The following ALDH2 variants were observed in gnomAD, a reference collection of about 807,000 sequenced individuals.
ALDH2 encodes the protein aldehyde dehydrogenase, mitochondrial.
ALDH2 carries 44 observed loss-of-function variants against 59.6 expected under a neutral mutation model. That is an observed-to-expected ratio of 0.74 (90% confidence interval 0.58 to 0.95). ALDH2 has a LOEUF of 0.95. Among genes scored for constraint, ALDH2 ranks in the 40% least tolerant of loss-of-function variants. ALDH2 has a pLI of 0.00. For missense variants in ALDH2, 570 were observed against 696.3 expected (o/e 0.82, Z 2.04); for synonymous variants, 291 against 284.0 (o/e 1.02, Z -0.25).
At chr12:111,781,030 G>A (rs2068267791) in intron 1 of ALDH2, among the ~76,000 whole-genome samples, 1 of 152,064 alleles carries the variant, frequency 6.6e-6, no homozygotes, top group Non-Finnish European at 1.5e-5. Context: ...GATCACTTGA[G>A]CTTAAGAGGA....
intron 12 of ALDH2, among the ~76,000 whole-genome samples, chr12:111,805,070 G>T (rs1292647216): frequency 1.3e-5 from 2 of 152,092 alleles, no homozygotes; most frequent in Non-Finnish European, 2.9e-5. Context: ...ACAGGTATCT[G>T]TTACAAATGT....
intron 1 of ALDH2, among the ~76,000 whole-genome samples, chr12:111,777,030 C>T (rs2068239226): frequency 6.6e-6 from 1 of 152,148 alleles, no homozygotes; most frequent in African/African-American, 2.4e-5. Flanking sequence ...AGTAAGTAAA[C>T]CATAAAGATG....
intron 11 of ALDH2, among the ~76,000 whole-genome samples, chr12:111,803,241 AT>A (rs2068468274): frequency 6.6e-6 from 1 of 150,846 alleles, no homozygotes; most frequent in Non-Finnish European, 1.5e-5. Flanking sequence ...TAAATGGTAA[AT>A]TTCAAATTCA....
chr12:111,791,323 T>C lies in ALDH2; in HGVS notation c.699T>C (p.Gly233=), dbSNP rs781479853. 1 of 1,613,984 alleles carries C rather than the reference T, an allele frequency of 6.2e-7. No homozygotes were observed. Among genetic ancestry groups the C allele is most frequent in the Non-Finnish European group, 8.5e-7 (1 of 1,179,944 alleles). ...NLIKEAGFPP[G]VVNIVPGFGP... is the part of the protein sequence containing the mutation. Reference sequence around the variant, plus strand: ...GCTCACAGGCTGGCTTTCCCCCTGGTGTGGTCAACATTGTGCCTGGATTTG... The same window carrying C: ...GCTCACAGGCTGGCTTTCCCCCTGGCGTGGTCAACATTGTGCCTGGATTTG... Residue 233 remains glycine (G), a synonymous_variant, in exon 7 of 13, where the codon GGT becomes GGC. Transcript: ENST00000261733.
intron 10 of ALDH2, among the ~76,000 whole-genome samples, chr12:111,799,311 G>A (rs989794276): frequency 1.3e-5 from 2 of 150,300 alleles, no homozygotes; most frequent in African/African-American, 4.9e-5. Context: ...GATTACAGGC[G>A]CACACCACCA....
At chr12:111,799,744 C>T (rs1347060090) in intron 10 of ALDH2, 162 bp from the exon 11 acceptor site, 25 of 824,194 alleles carry the variant, frequency 3.0e-5, no homozygotes, top group Non-Finnish European at 4.5e-5. Flanking sequence ...TCCATTCCCT[C>T]TGTGTTCTGC....
rs772515139 is a variant in ALDH2 at position 111,798,093 on chromosome 12, T to C, written c.1099T>C (p.Phe367Leu). 2 of 1,614,070 alleles carry C rather than the reference T, an allele frequency of 1.2e-6. No homozygotes were observed. The highest frequency in any genetic ancestry group is 3.3e-5 in the Admixed American group (2 of 59,988). Residue 367 changes from phenylalanine to leucine, a missense_variant, in exon 10 of 13, where the codon TTT becomes CTT. By Grantham distance (22) the Phe-to-Leu change is conservative. Transcript: ENST00000261733. ...TCTCCCACAGGTGGATGAAACTCAG[T>C]TTAAGAAGATCCTCGGCTACATCAA... ...EQGPQVDETQFKKILGYINTG... is the reference protein window; with the variant it reads ...EQGPQVDETQLKKILGYINTG...
In ALDH2 at chr12:111,778,697, G is replaced by C. The variant is rs561285636; in HGVS notation, c.115-3221G>C. ...AAACACAGAAAAATTAGCCGGGCAT[G>C]GTGGCAGGCGCCTATAGTCCCAGCT... is the stretch of plus-strand genomic sequence containing the variant. On this transcript the variant is annotated intron_variant, in intron 1 of 12. Coordinates refer to ENST00000261733, the MANE Select transcript of ALDH2 (RefSeq NM_000690.4). Among the ~76,000 whole-genome samples the C allele has an allele frequency of 6.6e-5, 10 of 152,080 alleles. No homozygotes were observed. In the East Asian group the frequency reaches 2.0e-3, roughly 30 times the overall value.
intron 4 of ALDH2, among the ~76,000 whole-genome samples, chr12:111,787,611 T>C (rs1361620259): frequency 2.0e-5 from 3 of 152,014 alleles, no homozygotes; most frequent in Non-Finnish European, 4.4e-5. Context: ...AAGAAAACAG[T>C]TGGGCCGGGC....
intron 12 of ALDH2, among the ~76,000 whole-genome samples, chr12:111,804,715 C>T (rs2068480517): frequency 6.7e-6 from 1 of 150,040 alleles, no homozygotes; most frequent in African/African-American, 2.5e-5. Flanking sequence ...CCATTGCACT[C>T]CAGCCTGGGC....
At position 111,774,018 on chromosome 12, in the gene ALDH2, G is replaced by C. The variant is rs564538700; in HGVS notation, c.114+6922G>C. On this transcript the variant is annotated intron_variant, in intron 1 of 12. Coordinates refer to ENST00000261733, the MANE Select transcript of ALDH2 (RefSeq NM_000690.4). ...GGAACATGGGGACGCATAGGGAGTGGTGAAACTGGCTCAGGGAAAGTCCAT... is the reference window on the plus strand; with the variant it reads ...GGAACATGGGGACGCATAGGGAGTGCTGAAACTGGCTCAGGGAAAGTCCAT... Among the ~76,000 whole-genome samples, 3 of 152,344 alleles carry C rather than the reference G, an allele frequency of 2.0e-5. No homozygotes were observed. The East Asian group carries it at 5.8e-4, about 29-fold the overall frequency.
chr12:111,772,826 A>G (rs1345662276), intron 1 of ALDH2, among the ~76,000 whole-genome samples: 27 of 152,038 alleles, frequency 1.8e-4, no homozygotes, highest in Admixed American at 1.7e-3. Flanking sequence ...GGCATGGGCC[A>G]CAACATCCAG....
At chr12:111,785,958 A>G (rs2068305518) in intron 4 of ALDH2, among the ~76,000 whole-genome samples, 1 of 152,142 alleles carries the variant, frequency 6.6e-6, no homozygotes, top group Non-Finnish European at 1.5e-5. Context: ...TGTTCACAGT[A>G]TTCTCTTATA....
intron 9 of ALDH2, among the ~76,000 whole-genome samples, chr12:111,797,761 G>C (rs1265160537): frequency 6.6e-6 from 1 of 152,194 alleles, no homozygotes; most frequent in Admixed American, 6.5e-5. Context: ...TGCTCTAAAG[G>C]CTGTACCAGT....
chr12:111,795,691 G>A (rs78783055), intron 9 of ALDH2, among the ~76,000 whole-genome samples: 26,347 of 149,440 alleles, frequency 0.18, 2,374 homozygotes, highest in Middle Eastern at 0.28. Context: ...TCCCAGGTTT[G>A]AATGATTCTC....
chr12:111,794,964 C>T (rs2068391438), intron 9 of ALDH2, among the ~76,000 whole-genome samples: 1 of 152,178 alleles, frequency 6.6e-6, no homozygotes, highest in Non-Finnish European at 1.5e-5. Context: ...CCCTAAATAT[C>T]CTGTACCCAT....
intron 3 of ALDH2, 24 bp downstream of exon 3, chr12:111,783,322 C>A (rs371068716): frequency 2.5e-6 from 4 of 1,583,896 alleles, no homozygotes; most frequent in Non-Finnish European, 2.6e-6. Flanking sequence ...CCTTCTCCCC[C>A]TCAGATCCCA....
chr12:111,784,993 A>G (rs1415567887), intron 3 of ALDH2, among the ~76,000 whole-genome samples: 2 of 152,190 alleles, frequency 1.3e-5, no homozygotes, highest in Non-Finnish European at 1.5e-5. Context: ...GCACCTGGAT[A>G]TGGTAGAGAG....
intron 12 of ALDH2, among the ~76,000 whole-genome samples, chr12:111,804,209 C>T (rs1444935791): frequency 6.6e-6 from 1 of 152,156 alleles, no homozygotes; most frequent in East Asian, 1.9e-4. Flanking sequence ...ATGCTTGAGG[C>T]CATCAGTGTT....
Sources: gnomAD v4.1 joint callset for allele counts (sites outside exome capture counted in the v4.1 genomes callset) on GRCh38, gnomAD v4.1.1 for gene constraint, MANE v1.5 for transcripts, NCBI Gene and HGNC (gene_info 2026-07-23, HGNC 2026-07-21) for gene names.